The following SRCAP variants were observed in gnomAD, a reference collection of about 807,000 sequenced individuals.
SRCAP encodes chromatin remodeling protein SRCAP.
In SRCAP, 46 loss-of-function variants were observed where a neutral mutation model predicts 263.1. The observed-to-expected ratio is 0.17, with a 90% confidence interval of 0.14 to 0.22. The LOEUF (loss-of-function observed/expected upper bound fraction) is 0.22. Ranked by LOEUF, SRCAP falls within the 10% of genes least tolerant of loss-of-function variation. The pLI is 1.00. For synonymous variants in SRCAP, 1,813 were observed against 1,662.1 expected, an observed-to-expected ratio of 1.09 and a Z score of -2.21; for missense variants, 3,695 against 4,181.9, an observed-to-expected ratio of 0.88 and a Z score of 3.21.
chr16:30,730,518 G>A (rs1187619945), intron 27 of SRCAP, among the ~76,000 whole-genome samples: 2 of 151,796 alleles, frequency 1.3e-5, no homozygotes, highest in African/African-American at 4.8e-5. Context: ...TGCAACTTCC[G>A]CCTCCTGGGT....
At chr16:30,716,524 T>C (rs1336359063) in intron 18 of SRCAP, 45 bp downstream of exon 18, 2 of 1,548,770 alleles carry the variant, frequency 1.3e-6, no homozygotes, top group Non-Finnish European at 8.8e-7. Context: ...TTATCGGCAT[T>C]ACTCCAACCA....
rs760969953 is a variant in SRCAP at position 30,737,173 on chromosome 16, C to T, written c.7133C>T (p.Thr2378Ile). 3.7e-5 allele frequency: 59 copies of T among 1,613,868 alleles called. No homozygotes were observed. In the South Asian group the frequency reaches 4.5e-4, roughly 12 times the overall value. ...DESSCGTGGG[T>I]HRRSKKAKAP... is the part of the protein sequence containing the mutation. ...AGTTCCTGTGGGACTGGTGGAGGCACCCACCGGCGCAGTAAAAAGGCCAAA... is the reference window on the plus strand; with the variant it reads ...AGTTCCTGTGGGACTGGTGGAGGCATCCACCGGCGCAGTAAAAAGGCCAAA... Residue 2378 changes from threonine (T) to isoleucine (I), a missense_variant, in exon 34 of 34, where the codon ACC (threonine) becomes ATC (isoleucine). Around this residue, in one of 12 missense-constraint regions of SRCAP, gnomAD observed 1,207 missense variants for 1,142.9 expected, o/e 1.06. Transcript: ENST00000262518.
At chr16:30,715,393 G>A (rs1260523840) in intron 16 of SRCAP, among the ~76,000 whole-genome samples, 3 of 151,148 alleles carry the variant, frequency 2.0e-5, no homozygotes, top group Middle Eastern at 3.2e-3. Flanking sequence ...GTGAAACCCC[G>A]TCTCTACTAA....
chr16:30,708,766 C>T (rs899690651), intron 6 of SRCAP, among the ~76,000 whole-genome samples: 1 of 152,164 alleles, frequency 6.6e-6, no homozygotes. Context: ...TAGGCTCAAG[C>T]GATCCTCTCA....
rs2053185446 is a variant in SRCAP, at chr16:30,738,567, A to C, written c.8527A>C (p.Asn2843His). 8.1e-6 allele frequency: 13 copies of C among 1,610,066 alleles called. No homozygotes were observed. The highest frequency in any genetic ancestry group is 1.1e-5 in the Non-Finnish European group (13 of 1,178,112). ...GGTGACTGGTGGTGGCAGCCCCGAG[A>C]ATGGAGACGGAGCACTGCTCGCCAT... ...LGVTGGGSPE[N>H]GDGALLAITP... is the part of the protein sequence containing the mutation. The change falls in exon 34 of 34, where the codon AAT becomes CAT. Residue 2843 changes from asparagine (N) to histidine (H), a missense_variant. By Grantham distance (68) the Asn-to-His change is moderately conservative. Coordinates refer to ENST00000262518, the MANE Select transcript of SRCAP (RefSeq NM_006662.3).
chr16:30,702,196 G>T (rs1037067987), intron 3 of SRCAP, among the ~76,000 whole-genome samples: 6 of 150,442 alleles, frequency 4.0e-5, no homozygotes, highest in Admixed American at 4.0e-4. Context: ...CGTGATCCCC[G>T]CCTTACTCAG....
intron 16 of SRCAP, among the ~76,000 whole-genome samples, chr16:30,714,671 T>G (rs2052928362): frequency 6.6e-6 from 1 of 151,978 alleles, no homozygotes; most frequent in African/African-American, 2.4e-5. Context: ...TAGCTAATGT[T>G]TGTTATTTTT....
Position 30,718,120 on chromosome 16 carries a change from G to T in SRCAP, c.2817+1641G>T, listed in dbSNP as rs555429079. On this transcript the variant is annotated intron_variant, in intron 18 of 33. Transcript: ENST00000262518. ...ACTCCTGGCCTCAAGTGATCCTTCC[G>T]CCTTGGCCTCCCAAAGCCCTGGGAT... is the stretch of plus-strand genomic sequence containing the variant. Among the ~76,000 whole-genome samples, 602 of 151,614 alleles carry T rather than the reference G, an allele frequency of 4.0e-3. 5 individuals carry two copies. The highest frequency in any genetic ancestry group is 4.3e-3 in the Non-Finnish European group (289 of 67,866).
At chr16:30,716,501 T>C (rs550020420) in intron 18 of SRCAP, 22 bp downstream of exon 18, 1 of 1,593,934 alleles carries the variant, frequency 6.3e-7, no homozygotes, top group South Asian at 1.1e-5. Context: ...TCCATTAATA[T>C]GAAATGTAAA....
At chr16:30,703,151 A>G (rs572544078) in intron 3 of SRCAP, among the ~76,000 whole-genome samples, 3 of 147,136 alleles carry the variant, frequency 2.0e-5, no homozygotes, top group East Asian at 2.0e-4. Context: ...ATCATATGCT[A>G]TATATATATA....
intron 25 of SRCAP, among the ~76,000 whole-genome samples, chr16:30,728,646 G>T (rs2053084852): frequency 6.6e-6 from 1 of 152,152 alleles, no homozygotes; most frequent in African/African-American, 2.4e-5. Context: ...CTATAAACTT[G>T]TTGGAATTGT....
intron 25 of SRCAP, among the ~76,000 whole-genome samples, chr16:30,728,629 G>A (rs953998741): frequency 6.6e-6 from 1 of 152,134 alleles, no homozygotes; most frequent in African/African-American, 2.4e-5. Context: ...CCCACAAATC[G>A]TCCATTCTAT....
chr16:30,721,067 G>A (rs2053006601), intron 20 of SRCAP, 89 bp downstream of exon 20: 1 of 1,541,296 alleles, frequency 6.5e-7, no homozygotes, highest in African/African-American at 1.4e-5. Context: ...AAGGGTTTGA[G>A]GAGCTGGGCT....
intron 7 of SRCAP, 56 bp from the exon 8 acceptor site, chr16:30,709,794 AC>A (rs2052868265): frequency 6.2e-7 from 1 of 1,612,268 alleles, no homozygotes; most frequent in Admixed American, 1.7e-5. Context: ...GAGCTGAAAA[AC>A]CCACCCTGTG....
At chr16:30,720,059 T>G in intron 18 of SRCAP, 103 bp from the exon 19 acceptor site, 1 of 1,339,794 alleles carries the variant, frequency 7.5e-7, no homozygotes, top group East Asian at 2.3e-5. Flanking sequence ...GGTTTTCTGT[T>G]TCTGTGTTAA....
chr16:30,739,142 G>C lies in SRCAP; in HGVS notation c.9102G>C (p.Glu3034Asp). 1 of 1,614,206 alleles carries C rather than the reference G, an allele frequency of 6.2e-7. No homozygotes were observed. The highest frequency in any genetic ancestry group is 8.5e-7 in the Non-Finnish European group (1 of 1,180,036). Residue 3034 changes from glutamate to aspartate, a missense_variant, in exon 34 of 34, where the codon GAG becomes GAC. Glu to Asp is a conservative substitution (Grantham distance 45). Coordinates refer to ENST00000262518, the MANE Select transcript of SRCAP (RefSeq NM_006662.3). ...VLDRDSTSVL[E>D]SCGLGRRRQP... ...ACCGTGACAGCACTTCTGTTCTCGA[G>C]AGCTGTGGATTGGGGAGGCGACGGC...
chr16:30,721,074 G>T, intron 20 of SRCAP, 96 bp downstream of exon 20: 1 of 1,539,140 alleles, frequency 6.5e-7, no homozygotes. Context: ...TGAGGAGCTG[G>T]GCTGGGGACA....
At chr16:30,703,619 G>C (rs932977333) in intron 3 of SRCAP, among the ~76,000 whole-genome samples, 1 of 151,858 alleles carries the variant, frequency 6.6e-6, no homozygotes, top group Non-Finnish European at 1.5e-5. Context: ...TCCCAAGGCC[G>C]GGCGTGGTGG....
chr16:30,738,658 C>G lies in SRCAP; in HGVS notation c.8618C>G (p.Ala2873Gly), dbSNP rs752497809. 1 of 1,612,656 alleles carries G rather than the reference C, an allele frequency of 6.2e-7. No individual in the cohort carries two copies. The highest frequency in any genetic ancestry group is 8.5e-7 in the Non-Finnish European group (1 of 1,179,356). The change falls in exon 34 of 34, where the codon GCT becomes GGT. Residue 2873 changes from alanine to glycine, a missense_variant. This residue lies in a region of SRCAP where 1,207 missense variants were observed against 1,142.9 expected (regional missense o/e 1.06). Transcript: ENST00000262518. ...PPKKNRSPAD[A>G]GRGVDEAPSS... Reference sequence around the variant, plus strand: ...AAGAAGAACAGGTCTCCAGCAGATGCTGGGAGAGGTGTGGATGAGGCACCC... The same window carrying G: ...AAGAAGAACAGGTCTCCAGCAGATGGTGGGAGAGGTGTGGATGAGGCACCC...
Sources: allele counts gnomAD v4.1 joint callset (sites outside exome capture counted in the v4.1 genomes callset), GRCh38; gene constraint gnomAD v4.1.1; regional missense constraint gnomAD v4.1.1; transcripts MANE v1.5; gene names NCBI Gene and HGNC (gene_info 2026-07-23, HGNC 2026-07-21).